The following DPEP2 variants were observed in gnomAD, a reference collection of about 807,000 sequenced individuals.
DPEP2 encodes the protein dipeptidase 2.
Under a neutral mutation model 51.8 loss-of-function variants are expected in DPEP2, and 45 were observed. The ratio of observed to expected loss-of-function variants is 0.87; its 90% CI spans 0.68 to 1.11. DPEP2 has a LOEUF of 1.11. Among genes scored for constraint, DPEP2 ranks in the 50% most tolerant of loss-of-function variants. The pLI is 0.00. For synonymous variants in DPEP2, 255 were observed against 262.7 expected (o/e 0.97, Z 0.28); for missense variants, 604 against 631.9 (o/e 0.96, Z 0.47).
At chr16:67,990,201 T>C in intron 7 of DPEP2, 70 bp from the exon 8 acceptor site, 1 of 1,470,306 alleles carries the variant, frequency 6.8e-7, no homozygotes, top group East Asian at 2.3e-5. Context: ...TGCCACCCTC[T>C]GGATCCCTGG....
At position 67,991,798 on chromosome 16, in the gene DPEP2, C is replaced by CCCTGCCT. The variant is rs1216387065; in HGVS notation, c.662+33_662+39dup. On this transcript the variant is annotated intron_variant, in intron 5 of 10. Transcript: ENST00000393847. This position sits in a 1 kb window ranked among gnomAD's most constrained non-coding sequence, Gnocchi z 5.1. ...ACAGTGACCTCAGGCAGATCTCTGC[C>CCCTGCCT]CCTGCCTCAGCGGTCCCACACCATC... 1.2e-6 allele frequency: 2 copies of CCCTGCCT among 1,605,040 alleles called. No homozygotes were observed. The highest frequency in any genetic ancestry group is 2.7e-5 in the African/African-American group (2 of 74,844).
Position 67,999,439 on chromosome 16 carries a change from A to T in DPEP2, c.-110T>A. 3.0e-6 allele frequency: 3 copies of T among 988,186 alleles called. No individual in the cohort carries two copies. Among genetic ancestry groups the T allele is most frequent in the Non-Finnish European group, 3.6e-6 (3 of 831,712 alleles). 61.2% of individuals were successfully genotyped at this position (988,186 alleles called of 1,614,324 possible). A position where few individuals can be genotyped will look rare whatever the true frequency, so the allele number is the denominator to read the frequency against. ...CATTCTAGAACTCAGTGAGACCAAG[A>T]ACCCACCAATTCCGGACACACTAAG... is the stretch of plus-strand genomic sequence containing the variant. On this transcript the variant is annotated 5_prime_UTR_variant, in exon 1 of 11. Coordinates refer to ENST00000393847, the MANE Select transcript of DPEP2 (RefSeq NM_022355.4).
At chr16:67,998,099 G>C (rs548125180) in intron 1 of DPEP2, among the ~76,000 whole-genome samples, 8 of 152,026 alleles carry the variant, frequency 5.3e-5, no homozygotes, top group Non-Finnish European at 1.0e-4. Flanking sequence ...CTCTGCCTGG[G>C]CTCCCACTTT....
At position 67,993,216 on chromosome 16, in the gene DPEP2, G is replaced by T. The variant is rs1489354249; in HGVS notation, c.-4C>A. ...CCTCGAGGCCGGAGGGCTGCATGTT[G>T]TGCAGGGCCGGGCAGGCAGGCAGGG... On this transcript the variant is annotated 5_prime_UTR_variant, in exon 2 of 11. Coordinates refer to ENST00000393847, the MANE Select transcript of DPEP2 (RefSeq NM_022355.4). 1 of 1,446,532 alleles carries T rather than the reference G, an allele frequency of 6.9e-7. No homozygotes were observed. Among genetic ancestry groups the T allele is most frequent in the Non-Finnish European group, 9.1e-7 (1 of 1,096,076 alleles). 89.6% of individuals were successfully genotyped at this position (1,446,532 alleles called of 1,614,324 possible).
chr16:67,995,220 A>T (rs7196160), intron 1 of DPEP2, among the ~76,000 whole-genome samples: 89,072 of 150,916 alleles, frequency 0.59, 29,118 homozygotes, highest in African/African-American at 0.89. Context: ...TTTTTTATTT[A>T]TTTTTTTAAT....
At chr16:67,997,104 C>T (rs950366427) in intron 1 of DPEP2, among the ~76,000 whole-genome samples, 3 of 150,644 alleles carry the variant, frequency 2.0e-5, no homozygotes, top group African/African-American at 7.3e-5. Context: ...GCAATCTTGG[C>T]TCACTGCAAT....
At chr16:67,994,985 C>T (rs1363048952) in intron 1 of DPEP2, 2 of 739,222 alleles carry the variant, frequency 2.7e-6, no homozygotes, top group East Asian at 1.3e-4. Flanking sequence ...ACTGCAATCT[C>T]CACCTCCTGG....
upstream of DPEP2, chr16:68,000,346 A>G: frequency 1.4e-6 from 1 of 740,710 alleles, no homozygotes; most frequent in Non-Finnish European, 1.6e-6. Context: ...TCTCCAGTGT[A>G]TTTCAAGAGT....
intron 3 of DPEP2, 86 bp from the exon 4 acceptor site, chr16:67,992,279 C>A: frequency 6.5e-7 from 1 of 1,536,694 alleles, no homozygotes; most frequent in South Asian, 1.2e-5. Context: ...TGACAGAGCA[C>A]CCAGTGGGCC....
At chr16:67,993,662 G>T in intron 1 of DPEP2, 1 of 988,852 alleles carries the variant, frequency 1.0e-6, no homozygotes, top group Non-Finnish European at 1.2e-6. Flanking sequence ...TGCAGACCAC[G>T]TCATGTCCCC....
At chr16:67,990,692 G>A in intron 7 of DPEP2, 129 bp downstream of exon 7, 1 of 1,045,596 alleles carries the variant, frequency 9.6e-7, no homozygotes, top group Non-Finnish European at 1.4e-6. Context: ...TTGAACTCCT[G>A]ACCTCAAGTG....
chr16:67,993,897 G>C (rs1351709284), intron 1 of DPEP2: 29 of 985,328 alleles, frequency 2.9e-5, no homozygotes, highest in Non-Finnish European at 3.4e-5. Flanking sequence ...ATACTCTGGG[G>C]AATCTCCCAG....
intron 1 of DPEP2, among the ~76,000 whole-genome samples, chr16:67,998,410 C>T (rs1043066764): frequency 7.2e-5 from 11 of 152,324 alleles, no homozygotes; most frequent in East Asian, 1.9e-4. Context: ...AGCTCACAGG[C>T]GCTGCGCTCG....
intron 1 of DPEP2, among the ~76,000 whole-genome samples, chr16:67,998,974 C>G (rs939931227): frequency 1.3e-5 from 2 of 152,138 alleles, no homozygotes; most frequent in South Asian, 2.1e-4. Context: ...ACAGACCACT[C>G]GGCTCTACCA....
chr16:67,987,617 T>C lies in DPEP2; in HGVS notation c.1350A>G (p.Ile450Met), dbSNP rs1287038826. 1.9e-6 allele frequency: 3 copies of C among 1,614,078 alleles called. No individual in the cohort carries two copies. The highest frequency in any genetic ancestry group is 2.5e-6 in the Non-Finnish European group (3 of 1,180,038). The change falls in exon 11 of 11, where the codon ATA (isoleucine) becomes ATG (methionine). Residue 450 changes from isoleucine (I) to methionine (M), a missense_variant. By Grantham distance (10) the Ile-to-Met change is conservative. Transcript: ENST00000393847. ...TSGQELTEIP[I>M]HWTAKLPAKW... The stretch of plus-strand genomic sequence containing the variant: ...TGGCTGGTAACTTGGCTGTCCAGTG[T>C]ATGGGAATCTCAGTGAGTTCCTGGC...
Position 67,987,683 on chromosome 16 carries a change from G to A in DPEP2, c.1284C>T (p.Ser428=), listed in dbSNP as rs746028978. ...GTCTCTGACGCAGACGTGAGAGGTC[G>A]GAGTGGCAGGAACTGCTCAGCTGCT... is the stretch of plus-strand genomic sequence containing the variant. The part of the protein sequence containing the change: ...PDEQLSSSCH[S]DLSRLRQRQS... The change falls in exon 11 of 11, where the codon TCC becomes TCT. Residue 428 remains serine (S), a synonymous_variant. Coordinates refer to ENST00000393847, the MANE Select transcript of DPEP2 (RefSeq NM_022355.4). 18 of 1,614,174 alleles carry A rather than the reference G, an allele frequency of 1.1e-5. No individual in the cohort carries two copies. Among genetic ancestry groups the A allele is most frequent in the African/African-American group, 2.7e-5 (2 of 75,016 alleles).
intron 9 of DPEP2, chr16:67,988,207 C>G: frequency 1.8e-6 from 1 of 564,118 alleles, no homozygotes; most frequent in South Asian, 2.6e-5. Flanking sequence ...AAGATCTATG[C>G]CTTTTACTGA....
intron 1 of DPEP2, chr16:67,993,935 C>T (rs1409424081): frequency 1.0e-6 from 1 of 985,460 alleles, no homozygotes; most frequent in Non-Finnish European, 1.2e-6. Flanking sequence ...GAGCACTCCT[C>T]CGCCCCCCGC....
intron 7 of DPEP2, among the ~76,000 whole-genome samples, chr16:67,990,364 C>T (rs1239928869): frequency 1.3e-5 from 2 of 152,138 alleles, no homozygotes; most frequent in Non-Finnish European, 1.5e-5. Context: ...CTAGAACCCC[C>T]GACTCCTGGA....
Sources: allele counts gnomAD v4.1 joint callset (sites outside exome capture counted in the v4.1 genomes callset), GRCh38; gene constraint gnomAD v4.1.1; non-coding constraint Gnocchi (gnomAD v3.1); transcripts MANE v1.5; gene names NCBI Gene and HGNC (gene_info 2026-07-23, HGNC 2026-07-21).